The following KREMEN1 variants were observed in gnomAD, a reference collection of about 807,000 sequenced individuals.
The protein encoded by KREMEN1 is kringle containing transmembrane protein 1.
KREMEN1 carries 30 observed loss-of-function variants against 46.5 expected under a neutral mutation model. That is an observed-to-expected ratio of 0.65 (90% CI 0.48 to 0.88). The LOEUF (loss-of-function observed/expected upper bound fraction) is 0.88, where lower values mean the gene tolerates loss of function less well. Ranked by LOEUF, KREMEN1 falls within the 40% of genes least tolerant of loss-of-function variation. The pLI is 0.00. For synonymous variants in KREMEN1, 214 were observed against 230.6 expected, an observed-to-expected ratio of 0.93 and a Z score of 0.65; for missense variants, 533 against 596.9, an observed-to-expected ratio of 0.89 and a Z score of 1.11.
At chr22:29,149,382 C>G (rs1478348603), downstream of KREMEN1, among the ~76,000 whole-genome samples, 1 of 152,022 alleles carries the variant, frequency 6.6e-6, no homozygotes, top group Admixed American at 6.6e-5. Flanking sequence ...AGGATGGTCT[C>G]GATCTCTTGA....
chr22:29,164,848 C>G (rs2039040572), intron 9 of KREMEN1, among the ~76,000 whole-genome samples: 2 of 151,724 alleles, frequency 1.3e-5, no homozygotes. Flanking sequence ...CATGGTGGCT[C>G]ACACCTGTAA....
chr22:29,121,159 T>A (rs2038350471), intron 3 of KREMEN1, among the ~76,000 whole-genome samples, 198 bp from the exon 4 acceptor site: 1 of 152,064 alleles, frequency 6.6e-6, no homozygotes, highest in Admixed American at 6.5e-5. Context: ...TCACATACTC[T>A]TCAAAATAAA....
chr22:29,078,999 G>A (rs1430209418), intron 1 of KREMEN1, among the ~76,000 whole-genome samples: 1 of 152,170 alleles, frequency 6.6e-6, no homozygotes, highest in African/African-American at 2.4e-5. Context: ...AGCAGTCTGA[G>A]GTCACTCTAT....
At chr22:29,141,073 C>T (rs1282662968) in intron 8 of KREMEN1, among the ~76,000 whole-genome samples, 1 of 152,166 alleles carries the variant, frequency 6.6e-6, no homozygotes, top group Non-Finnish European at 1.5e-5. Flanking sequence ...TGTCTTTTTC[C>T]TGACCGTCTC....
At chr22:29,121,938 C>T (rs533327424) in intron 4 of KREMEN1, among the ~76,000 whole-genome samples, 1 of 151,966 alleles carries the variant, frequency 6.6e-6, no homozygotes, top group African/African-American at 2.4e-5. Context: ...AAATTGGACA[C>T]AAAAACAAAT....
At chr22:29,080,336 G>A (rs1346728250) in intron 1 of KREMEN1, among the ~76,000 whole-genome samples, 1 of 152,236 alleles carries the variant, frequency 6.6e-6, no homozygotes, top group Non-Finnish European at 1.5e-5. Context: ...GTCTATACAG[G>A]CCTTTTCAGC....
chr22:29,121,208 C>A, intron 3 of KREMEN1, 149 bp from the exon 4 acceptor site: 1 of 844,944 alleles, frequency 1.2e-6, no homozygotes, highest in Non-Finnish European at 1.8e-6. Flanking sequence ...CTAAAGCTTC[C>A]ATTTTCAAAG....
At chr22:29,156,043 A>C (rs2038958703) in intron 9 of KREMEN1, among the ~76,000 whole-genome samples, 1 of 152,196 alleles carries the variant, frequency 6.6e-6, no homozygotes, top group Non-Finnish European at 1.5e-5. Context: ...CAGTGGAAGC[A>C]CTGTTAAAAG....
In KREMEN1 at chr22:29,137,417, A is replaced by G. The variant is rs777755270; in HGVS notation, c.707A>G (p.Tyr236Cys). The G allele has an allele frequency of 3.2e-6, 5 of 1,580,744 alleles. No individual in the cohort carries two copies. Among genetic ancestry groups the G allele is most frequent in the African/African-American group, 1.3e-5 (1 of 74,294 alleles). The change falls in exon 6 of 9, where the codon TAT becomes TGT. Residue 236 changes from tyrosine (Y) to cysteine (C), a missense_variant. Coordinates refer to ENST00000400335, the MANE Select transcript of KREMEN1 (RefSeq NM_001039570.3). Reference protein sequence around the residue: ...VVYSPDFPDTYATGRVCYWTI... With the variant: ...VVYSPDFPDTCATGRVCYWTI... Reference sequence around the variant, plus strand: ...TATTCCCCTGACTTCCCCGACACCTATGCCACGGGGAGGGTCTGCTACTGG... The same window carrying G: ...TATTCCCCTGACTTCCCCGACACCTGTGCCACGGGGAGGGTCTGCTACTGG...
At chr22:29,131,016 C>T (rs2038525163) in intron 5 of KREMEN1, among the ~76,000 whole-genome samples, 1 of 152,162 alleles carries the variant, frequency 6.6e-6, no homozygotes, top group Admixed American at 6.5e-5. Context: ...AAGGTCTGCC[C>T]TTGCTATTGA....
At chr22:29,131,985 GC>G (rs766355434) in intron 5 of KREMEN1, among the ~76,000 whole-genome samples, 1 of 141,534 alleles carries the variant, frequency 7.1e-6, no homozygotes, top group Non-Finnish European at 1.5e-5. Context: ...CCATTCTCCT[GC>G]CTCAGCCTCC....
At chr22:29,128,065 G>T (rs914230473) in intron 5 of KREMEN1, among the ~76,000 whole-genome samples, 7 of 152,168 alleles carry the variant, frequency 4.6e-5, no homozygotes, top group Non-Finnish European at 5.9e-5. Context: ...ATTCCGGGTT[G>T]CCAAGGGCTG....
In KREMEN1 at chr22:29,137,482, TTCCCCC is replaced by T; in HGVS notation, c.774_779del (p.Phe258_Pro259del). 2 of 1,608,354 alleles carry T rather than the reference TTCCCCC, an allele frequency of 1.2e-6. No homozygotes were observed. The highest frequency in any genetic ancestry group is 1.7e-6 in the Non-Finnish European group (2 of 1,175,158). On this transcript the variant is annotated inframe_deletion, in exon 6 of 9. Transcript: ENST00000400335. ...GGGGGCCTCCCACATCCACTTCAGC[TTCCCCC>T]TATTTGACATCAGGGACTCGGCGGA...
At chr22:29,167,760 G>C (rs2039066172) in exon 10 of KREMEN1, 1 of 152,194 alleles carries the variant, frequency 6.6e-6, no homozygotes, top group South Asian at 2.1e-4. Flanking sequence ...GGTTTCCTGT[G>C]CGTCTGTGTC....
At chr22:29,132,631 T>C (rs537070788) in intron 5 of KREMEN1, among the ~76,000 whole-genome samples, 1 of 152,360 alleles carries the variant, frequency 6.6e-6, no homozygotes, top group Non-Finnish European at 1.5e-5. Context: ...TAATTACCAA[T>C]GATATTGAAC....
At chr22:29,137,008 T>C (rs1033618902) in intron 5 of KREMEN1, among the ~76,000 whole-genome samples, 1 of 152,168 alleles carries the variant, frequency 6.6e-6, no homozygotes, top group Non-Finnish European at 1.5e-5. Flanking sequence ...GCCTTGAAAC[T>C]GAGAGAAGCA....
downstream of KREMEN1, among the ~76,000 whole-genome samples, chr22:29,149,440 C>T (rs1313466697): frequency 2.6e-5 from 4 of 152,072 alleles, no homozygotes; most frequent in African/African-American, 9.7e-5. Flanking sequence ...GTATTACAGG[C>T]GTGAGCCACC....
At chr22:29,155,974 A>T (rs931182447) in intron 9 of KREMEN1, among the ~76,000 whole-genome samples, 21 of 135,520 alleles carry the variant, frequency 1.5e-4, no homozygotes, top group Non-Finnish European at 2.5e-4. Flanking sequence ...AAAAAAAAAA[A>T]TTTGGAAAGC....
chr22:29,100,926 T>G (rs926391062), intron 3 of KREMEN1, among the ~76,000 whole-genome samples: 4 of 152,034 alleles, frequency 2.6e-5, no homozygotes, highest in African/African-American at 9.7e-5. Flanking sequence ...AGTAAAACAT[T>G]TAAAAAATAT....
Sources: gnomAD v4.1 joint callset for allele counts (sites outside exome capture counted in the v4.1 genomes callset) on GRCh38, gnomAD v4.1.1 for gene constraint, MANE v1.5 for transcripts, NCBI Gene and HGNC (gene_info 2026-07-23, HGNC 2026-07-21) for gene names.